The following RANBP2 variants were observed in gnomAD, a reference collection of about 807,000 sequenced individuals.
RANBP2 encodes E3 SUMO-protein ligase RanBP2.
In RANBP2, 57 loss-of-function variants were observed where a neutral mutation model predicts 303.6. That is an observed-to-expected ratio of 0.19 (90% CI 0.15 to 0.23). RANBP2 has a LOEUF of 0.23. Among genes scored for constraint, RANBP2 ranks in the 10% least tolerant of loss-of-function variants. The probability of loss-of-function intolerance (pLI) is 1.00; values close to 1 mark genes in which losing one functional copy is unlikely to be tolerated. For synonymous variants in RANBP2, 1,167 were observed against 1,301.5 expected, an observed-to-expected ratio of 0.90 and a Z score of 2.23; for missense variants, 3,138 against 3,780.8, an observed-to-expected ratio of 0.83 and a Z score of 4.46.
the RANBP2 span, among the ~76,000 whole-genome samples, chr2:108,824,002 G>A: frequency 3.3e-5 from 5 of 151,528 alleles, no homozygotes; most frequent in African/African-American, 1.2e-4. Context: ...GGGGTGGGGG[G>A]TACACCTGAA....
At chr2:109,707,697 G>A in the RANBP2 span, among the ~76,000 whole-genome samples, 3 of 152,134 alleles carry the variant, frequency 2.0e-5, no homozygotes, top group African/African-American at 7.2e-5. Context: ...CGCCCATGCC[G>A]GGCTGGTTGT....
the RANBP2 span, among the ~76,000 whole-genome samples, chr2:109,452,819 GGGAGGCTGGTGCCA>G: frequency 4.7e-5 from 7 of 149,406 alleles, no homozygotes; most frequent in African/African-American, 1.2e-4. Flanking sequence ...GGCTGGTTCT[GGGAGGCTGGTGCCA>G]GGAGGCTGGT....
At chr2:109,766,150 A>G in the RANBP2 span, among the ~76,000 whole-genome samples, 1 of 150,778 alleles carries the variant, frequency 6.6e-6, no homozygotes, top group African/African-American at 2.4e-5. Flanking sequence ...CGTGGCTCTC[A>G]TTGGCCCTCA....
chr2:108,973,377 G>A, the RANBP2 span, among the ~76,000 whole-genome samples: 1 of 152,194 alleles, frequency 6.6e-6, no homozygotes. Context: ...CAGGAGGGCG[G>A]TGCAGAGAGA....
the RANBP2 span, among the ~76,000 whole-genome samples, chr2:108,858,525 C>A: frequency 1.3e-5 from 2 of 152,118 alleles, no homozygotes; most frequent in Non-Finnish European, 2.9e-5. Context: ...CATTTACTTG[C>A]TTGAATTTTA....
At chr2:109,554,316 G>A in the RANBP2 span, among the ~76,000 whole-genome samples, 56 of 152,160 alleles carry the variant, frequency 3.7e-4, no homozygotes, top group African/African-American at 1.0e-3. Flanking sequence ...CTTTCACACC[G>A]CATTGCTTAT....
the RANBP2 span, among the ~76,000 whole-genome samples, chr2:108,798,081 G>A: frequency 3.0e-4 from 46 of 151,978 alleles, no homozygotes; most frequent in Non-Finnish European, 6.0e-4. Context: ...ACAAGATGAG[G>A]GAGTGGAGGG....
chr2:109,400,422 A>G, the RANBP2 span, among the ~76,000 whole-genome samples: 1 of 152,160 alleles, frequency 6.6e-6, no homozygotes, highest in Non-Finnish European at 1.5e-5. Context: ...ACACCTGTGC[A>G]CATATGTGCA....
At chr2:109,383,849 TC>T in the RANBP2 span, among the ~76,000 whole-genome samples, 1 of 152,206 alleles carries the variant, frequency 6.6e-6, no homozygotes, top group African/African-American at 2.4e-5. Flanking sequence ...GATCAGTCCG[TC>T]CTTATACCCT....
chr2:109,014,918 G>A, the RANBP2 span, among the ~76,000 whole-genome samples: 47 of 152,052 alleles, frequency 3.1e-4, no homozygotes, highest in African/African-American at 1.1e-3. Context: ...TCAGGAGATC[G>A]AGACCATCCT....
At chr2:109,419,572 G>T in the RANBP2 span, 1 of 1,598,672 alleles carries the variant, frequency 6.3e-7, no homozygotes, top group Non-Finnish European at 8.5e-7. Context: ...TACCCCCACG[G>T]CTGTCCCACG....
chr2:109,451,222 CTG>C, the RANBP2 span, among the ~76,000 whole-genome samples: 3 of 152,216 alleles, frequency 2.0e-5, no homozygotes, highest in Admixed American at 2.0e-4. Context: ...AACAGCTGCT[CTG>C]TGTTTTGTGT....
the RANBP2 span, among the ~76,000 whole-genome samples, chr2:108,827,275 A>T: frequency 6.6e-6 from 1 of 152,240 alleles, no homozygotes; most frequent in African/African-American, 2.4e-5. Context: ...TCCAGTTGCT[A>T]AAAAGCAAAA....
the RANBP2 span, among the ~76,000 whole-genome samples, chr2:109,274,696 TGATA>T: frequency 9.8e-5 from 15 of 152,372 alleles, no homozygotes; most frequent in East Asian, 1.2e-3. Flanking sequence ...ACAAATGTTC[TGATA>T]GATAGAGGTC....
chr2:108,719,920 GCTTGTTCCCGAC>G (rs1558863779), intron 1 of RANBP2, among the ~76,000 whole-genome samples: 1 of 150,614 alleles, frequency 6.6e-6, no homozygotes, highest in African/African-American at 2.5e-5. Flanking sequence ...TGTTCCCGAC[GCTTGTTCCCGAC>G]GGTGCTCGCT....
rs377313146 is a variant in RANBP2 at position 108,772,973 on chromosome 2, G to A, written c.8219G>A (p.Cys2740Tyr). Residue 2740 changes from cysteine to tyrosine, a missense_variant, in exon 23 of 29, where the codon TGT (cysteine) becomes TAT (tyrosine). Cys to Tyr is a radical substitution (Grantham distance 194). Around this residue, in one of 20 missense-constraint regions of RANBP2, gnomAD observed 497 missense variants for 465.8 expected, o/e 1.07. Transcript: ENST00000283195. The stretch of plus-strand genomic sequence containing the variant: ...CCACCTACATTTTTTTGTGGAGTCT[G>A]TAGTGATACTGATGAAGACAATGGA... ...KLPPTFFCGV[C>Y]SDTDEDNGNG... 6.2e-7 allele frequency: 1 copy of A among 1,613,858 alleles called. No individual in the cohort carries two copies. Among genetic ancestry groups the A allele is most frequent in the African/African-American group, 1.3e-5 (1 of 74,926 alleles).
At chr2:109,273,260 A>G in the RANBP2 span, among the ~76,000 whole-genome samples, 2 of 152,326 alleles carry the variant, frequency 1.3e-5, no homozygotes, top group East Asian at 3.9e-4. Flanking sequence ...GGGAAGGCAC[A>G]TGTGTTTCTG....
the RANBP2 span, among the ~76,000 whole-genome samples, chr2:109,137,284 ACTT>A: frequency 2.0e-5 from 3 of 152,194 alleles, no homozygotes; most frequent in South Asian, 2.1e-4. Flanking sequence ...AAGGCTTTGC[ACTT>A]CTTCTTTCTG....
At chr2:109,080,725 A>C in the RANBP2 span, among the ~76,000 whole-genome samples, 1 of 152,316 alleles carries the variant, frequency 6.6e-6, no homozygotes, top group Non-Finnish European at 1.5e-5. Context: ...ACACTGGAGA[A>C]ATGTCTAATA....
Sources: allele counts gnomAD v4.1 joint callset (sites outside exome capture counted in the v4.1 genomes callset), GRCh38; gene constraint gnomAD v4.1.1; regional missense constraint gnomAD v4.1.1; transcripts MANE v1.5; gene names NCBI Gene and HGNC (gene_info 2026-07-23, HGNC 2026-07-21).